The following OPCML variants were observed in gnomAD, a reference collection of about 807,000 sequenced individuals.
OPCML encodes the protein opioid-binding protein/cell adhesion molecule.
OPCML carries 13 observed loss-of-function variants against 37.8 expected under a neutral mutation model. That is an observed-to-expected ratio of 0.34 (90% CI 0.22 to 0.55). The LOEUF (loss-of-function observed/expected upper bound fraction) is 0.55. Ranked by LOEUF, OPCML falls within the 20% of genes least tolerant of loss-of-function variation. The probability of loss-of-function intolerance (pLI) is 0.91; values close to 1 mark genes in which losing one functional copy is unlikely to be tolerated. For synonymous variants in OPCML, 176 were observed against 168.8 expected (o/e 1.04, Z -0.33); for missense variants, 341 against 435.6 (o/e 0.78, Z 1.93).
chr11:132,805,672 G>A (rs1938960997), intron 2 of OPCML, among the ~76,000 whole-genome samples: 1 of 152,136 alleles, frequency 6.6e-6, no homozygotes, highest in Admixed American at 6.6e-5. Flanking sequence ...TCTACAGCCA[G>A]CAAAAGTTTC....
At chr11:133,353,834 A>G (rs1389996478) in intron 1 of OPCML, among the ~76,000 whole-genome samples, 1 of 152,198 alleles carries the variant, frequency 6.6e-6, no homozygotes, top group African/African-American at 2.4e-5. Context: ...CTGTTCCATC[A>G]ACTTTCCAGG....
chr11:133,456,419 G>C (rs945705280), intron 1 of OPCML, among the ~76,000 whole-genome samples: 1 of 151,888 alleles, frequency 6.6e-6, no homozygotes, highest in Admixed American at 6.6e-5. Flanking sequence ...AACCTGCCAA[G>C]ATTGGAAAGG....
chr11:133,231,507 C>T (rs1940275449), intron 1 of OPCML, among the ~76,000 whole-genome samples: 1 of 152,118 alleles, frequency 6.6e-6, no homozygotes, highest in South Asian at 2.1e-4. Context: ...AATTTTAGGG[C>T]AGAGCTCTCC....
intron 2 of OPCML, among the ~76,000 whole-genome samples, chr11:132,775,601 T>G (rs1448683762): frequency 1.3e-5 from 2 of 152,206 alleles, no homozygotes; most frequent in Non-Finnish European, 2.9e-5. Flanking sequence ...ATTGCCACTG[T>G]GGAGCCTCCT....
chr11:132,539,214 G>C (rs1414724184), intron 3 of OPCML, among the ~76,000 whole-genome samples: 1 of 152,190 alleles, frequency 6.6e-6, no homozygotes, highest in Non-Finnish European at 1.5e-5. Flanking sequence ...GCTATGCTAT[G>C]AAGTGGTGCA....
intron 3 of OPCML, among the ~76,000 whole-genome samples, chr11:132,545,805 T>C (rs962310788): frequency 6.6e-6 from 1 of 152,242 alleles, no homozygotes; most frequent in Non-Finnish European, 1.5e-5. Context: ...AAATGTATCA[T>C]AGTTTATCTA....
intron 2 of OPCML, among the ~76,000 whole-genome samples, chr11:132,901,175 G>A (rs993750873): frequency 6.6e-6 from 1 of 151,894 alleles, no homozygotes; most frequent in Non-Finnish European, 1.5e-5. Context: ...GCAAGACTCT[G>A]TCTCTCAAAA....
intron 4 of OPCML, among the ~76,000 whole-genome samples, chr11:132,495,278 A>T (rs2096227815): frequency 6.6e-6 from 1 of 152,178 alleles, no homozygotes; most frequent in South Asian, 2.1e-4. Context: ...TTTATACTGA[A>T]AACTGTAATA....
At chr11:132,624,147 A>G (rs1234092114) in intron 3 of OPCML, among the ~76,000 whole-genome samples, 4 of 152,220 alleles carry the variant, frequency 2.6e-5, no homozygotes, top group African/African-American at 9.6e-5. Context: ...AGGGATTCAT[A>G]TATTGATTAA....
In OPCML at chr11:132,555,689, A is replaced by G. The variant is rs114542616; in HGVS notation, c.380-26503T>C. ...GGAGGGGATGAATGAAGGCGCGTAG[A>G]CTTCTGAGGATGAGATAGTGAGCAA... is the stretch of plus-strand genomic sequence containing the variant. On this transcript the variant is annotated intron_variant, in intron 3 of 7. Transcript: ENST00000524381. Among the ~76,000 whole-genome samples, 230 of 152,232 alleles carry G rather than the reference A, an allele frequency of 1.5e-3. 1 individual carries two copies. Among genetic ancestry groups the G allele is most frequent in the African/African-American group, 5.2e-3 (218 of 41,540 alleles).
intron 4 of OPCML, among the ~76,000 whole-genome samples, chr11:132,505,396 G>A (rs765332497): frequency 1.3e-5 from 2 of 152,156 alleles, no homozygotes; most frequent in Non-Finnish European, 2.9e-5. Context: ...TTTATGCTAT[G>A]TGCACCATAT....
At chr11:133,356,038 G>C (rs1386633963) in intron 1 of OPCML, among the ~76,000 whole-genome samples, 1 of 152,176 alleles carries the variant, frequency 6.6e-6, no homozygotes, top group Non-Finnish European at 1.5e-5. Context: ...CAAGACATTG[G>C]TGAGAGGACA....
chr11:132,742,737 A>C (rs887205790), intron 2 of OPCML, among the ~76,000 whole-genome samples: 1 of 147,864 alleles, frequency 6.8e-6, no homozygotes, highest in Non-Finnish European at 1.5e-5. Context: ...TATAATAAAA[A>C]TATATATATA....
chr11:133,355,077 A>C (rs918601135), intron 1 of OPCML, among the ~76,000 whole-genome samples: 1 of 152,248 alleles, frequency 6.6e-6, no homozygotes, highest in Non-Finnish European at 1.5e-5. Context: ...CATAAGGTTT[A>C]GTCTGCCTAA....
At chr11:132,969,913 G>A (rs1178451873) in intron 1 of OPCML, among the ~76,000 whole-genome samples, 1 of 151,990 alleles carries the variant, frequency 6.6e-6, no homozygotes, top group Non-Finnish European at 1.5e-5. Flanking sequence ...TGACATCTGT[G>A]GCCTCTCACA....
chr11:133,531,163 G>A (rs1948597966), intron 1 of OPCML, among the ~76,000 whole-genome samples: 1 of 152,192 alleles, frequency 6.6e-6, no homozygotes, highest in Admixed American at 6.5e-5. Context: ...TAAAACCTTG[G>A]CAAGCATAAC....
At chr11:133,004,543 G>T in intron 1 of OPCML, 1 of 985,410 alleles carries the variant, frequency 1.0e-6, no homozygotes, top group Non-Finnish European at 1.2e-6. Flanking sequence ...GCACCTCTTG[G>T]CCGTCCTGAC....
At chr11:132,820,937 C>T (rs1030673025) in intron 2 of OPCML, among the ~76,000 whole-genome samples, 2 of 152,138 alleles carry the variant, frequency 1.3e-5, no homozygotes, top group African/African-American at 4.8e-5. Context: ...TTTTAGTCTT[C>T]CCCCATCATA....
chr11:133,167,106 G>A (rs1330981979), intron 1 of OPCML, among the ~76,000 whole-genome samples: 3 of 152,120 alleles, frequency 2.0e-5, no homozygotes, highest in African/African-American at 7.2e-5. Context: ...AAGCAGAGAG[G>A]TACACGGTGT....
Sources: allele counts gnomAD v4.1 joint callset (sites outside exome capture counted in the v4.1 genomes callset), GRCh38; gene constraint gnomAD v4.1.1; transcripts MANE v1.5; gene names NCBI Gene and HGNC (gene_info 2026-07-23, HGNC 2026-07-21).